Variants in RASSF3 observed in about 807,000 individuals in gnomAD.
RASSF3 encodes Ras association domain family member 3, also known as ras association domain-containing protein 3.
RASSF3 carries 19 observed loss-of-function variants against 19.9 expected under a neutral mutation model. The ratio of observed to expected loss-of-function variants is 0.96; its 90% CI spans 0.67 to 1.40. RASSF3 has a LOEUF of 1.40. Among genes scored for constraint, RASSF3 ranks in the 40% most tolerant of loss-of-function variants. RASSF3 has a pLI of 0.00. For synonymous variants in RASSF3, 110 were observed against 104.2 expected, an observed-to-expected ratio of 1.06 and a Z score of -0.34; for missense variants, 306 against 289.8, an observed-to-expected ratio of 1.06 and a Z score of -0.41.
rs552675718 is a variant in RASSF3 at position 64,643,928 on chromosome 12, T to C, written c.111+33185T>C. On this transcript the variant is annotated intron_variant, in intron 1 of 4. Transcript: ENST00000542104. ...TGTGTATGCAATTGAATCGAAAATA[T>C]ACTTTTCATACAAAGACAACTTCCT... Among the ~76,000 whole-genome samples, 28 of 152,152 alleles carry C rather than the reference T, an allele frequency of 1.8e-4. 1 individual carries two copies. The South Asian group carries it at 5.0e-3, about 27-fold the overall frequency.
chr12:64,689,883 G>T (rs948393898), intron 3 of RASSF3, among the ~76,000 whole-genome samples: 2 of 143,218 alleles, frequency 1.4e-5, no homozygotes, highest in African/African-American at 5.2e-5. Flanking sequence ...CACCTCCCGG[G>T]TTCACGCCAT....
rs540121768 is a variant in RASSF3, at chr12:64,646,482, A to G, written c.111+35739A>G. 3.3e-5 allele frequency among the ~76,000 whole-genome samples: 5 copies of G among 152,342 alleles called. No individual in the cohort carries two copies. In the East Asian group the frequency reaches 9.6e-4, roughly 29 times the overall value. ...GATTAGTGCAAGTTGGGTGGGATGA[A>G]GATGAATAACCAATACATAGCCTAA... On this transcript the variant is annotated intron_variant, in intron 1 of 4. Transcript: ENST00000542104.
intron 1 of RASSF3, among the ~76,000 whole-genome samples, chr12:64,613,202 G>GAT (rs1290250675): frequency 7.0e-6 from 1 of 142,552 alleles, no homozygotes; most frequent in Non-Finnish European, 1.6e-5. Flanking sequence ...TCTAACGTTA[G>GAT]ATAAGCCTTT....
At chr12:64,541,197 G>GC (rs530355150) in intron 1 of RASSF3, among the ~76,000 whole-genome samples, 50 of 152,010 alleles carry the variant, frequency 3.3e-4, no homozygotes, top group African/African-American at 1.2e-3. Context: ...TGTTGCCCAG[G>GC]CTGGTATTGA....
Position 64,684,438 on chromosome 12 carries a change from T to TG in RASSF3, c.112-349_112-348insG, listed in dbSNP as rs201197785. ...TTATCTGTTTGTTTGTTTGTTTGTT[T>TG]TTTTTTTTTGAGACAGAGTTTTGCT... is the stretch of plus-strand genomic sequence containing the variant. On this transcript the variant is annotated intron_variant, in intron 1 of 4. Transcript: ENST00000542104. Among the ~76,000 whole-genome samples the TG allele has an allele frequency of 4.8e-3, 718 of 149,504 alleles. 5 individuals carry two copies. Among genetic ancestry groups the TG allele is most frequent in the Middle Eastern group, 0.017 (5 of 294 alleles).
chr12:64,633,257 A>G (rs1871223189), intron 1 of RASSF3, among the ~76,000 whole-genome samples: 1 of 152,190 alleles, frequency 6.6e-6, no homozygotes. Context: ...GGATACTGAT[A>G]CGGTTTGGAT....
At chr12:64,676,857 C>A (rs1311610620) in intron 1 of RASSF3, among the ~76,000 whole-genome samples, 2 of 151,908 alleles carry the variant, frequency 1.3e-5, no homozygotes, top group Non-Finnish European at 2.9e-5. Context: ...TAACCTCCAT[C>A]TCCTGGGCTC....
chr12:64,566,186 G>A (rs1869428544), intron 2 of RASSF3, among the ~76,000 whole-genome samples: 1 of 152,190 alleles, frequency 6.6e-6, no homozygotes, highest in Non-Finnish European at 1.5e-5. Context: ...GGGAGACAGA[G>A]TGAGACTCTG....
intron 1 of RASSF3, among the ~76,000 whole-genome samples, chr12:64,669,933 A>G (rs1438464685): frequency 6.7e-6 from 1 of 150,264 alleles, no homozygotes; most frequent in East Asian, 1.9e-4. Context: ...TCTGCTTTCC[A>G]GGGCAGATGG....
chr12:64,554,139 T>G (rs1224049369), intron 2 of RASSF3, among the ~76,000 whole-genome samples: 1 of 152,200 alleles, frequency 6.6e-6, no homozygotes, highest in African/African-American at 2.4e-5. Context: ...TTTTCAGACC[T>G]ATGACTATCT....
Position 64,574,417 on chromosome 12 carries a change from A to G in RASSF3, c.294+32712A>G, listed in dbSNP as rs142822360. On this transcript the variant is annotated intron_variant, in intron 2 of 5. Coordinates refer to the RASSF3 transcript ENST00000637125. ...ATTGTTCTTATTCTGGAAATAAGAT[A>G]TAAAATAACATATAGTAGATTGCAC... Among the ~76,000 whole-genome samples, 1,039 of 152,342 alleles carry G rather than the reference A, an allele frequency of 6.8e-3. 13 individuals carry two copies. The highest frequency in any genetic ancestry group is 0.023 in the African/African-American group (971 of 41,584).
chr12:64,514,901 T>G (rs1243045725), intron 1 of RASSF3, among the ~76,000 whole-genome samples: 1 of 152,170 alleles, frequency 6.6e-6, no homozygotes, highest in Non-Finnish European at 1.5e-5. Flanking sequence ...CTGTCCAAAC[T>G]AATTTGTACT....
At chr12:64,597,664 C>T (rs1019065509) in intron 2 of RASSF3, among the ~76,000 whole-genome samples, 2 of 150,852 alleles carry the variant, frequency 1.3e-5, no homozygotes, top group African/African-American at 4.9e-5. Flanking sequence ...CACCATGTTG[C>T]CCAGGCTGGT....
At chr12:64,510,273 T>C (rs1868320883) in intron 1 of RASSF3, among the ~76,000 whole-genome samples, 2 of 152,314 alleles carry the variant, frequency 1.3e-5, no homozygotes, top group South Asian at 2.1e-4. Flanking sequence ...AATTGACTTA[T>C]GAAGACAGCC....
At chr12:64,658,113 T>G (rs914196493) in intron 1 of RASSF3, among the ~76,000 whole-genome samples, 1 of 152,164 alleles carries the variant, frequency 6.6e-6, no homozygotes, top group African/African-American at 2.4e-5. Flanking sequence ...GTGGGTGGTG[T>G]TATTTAGGTA....
At chr12:64,597,603 G>A (rs1870017408) in intron 2 of RASSF3, among the ~76,000 whole-genome samples, 1 of 151,138 alleles carries the variant, frequency 6.6e-6, no homozygotes. Context: ...ATTTACAGTC[G>A]TGCACCACCA....
rs186387268 is a variant in RASSF3 at position 64,555,188 on chromosome 12, G to T, written c.294+13483G>T. The stretch of plus-strand genomic sequence containing the variant: ...GAACCCGGGAGATGGAGGTTACAGT[G>T]AGCCAAGATCGCACCACTGCACTCC... On this transcript the variant is annotated intron_variant, in intron 2 of 5. Coordinates refer to the RASSF3 transcript ENST00000637125. Among the ~76,000 whole-genome samples the T allele has an allele frequency of 2.6e-3, 394 of 152,012 alleles. 2 individuals are homozygous for T. The highest frequency in any genetic ancestry group is 8.8e-3 in the African/African-American group (366 of 41,438).
upstream of RASSF3, among the ~76,000 whole-genome samples, chr12:64,532,360 T>C (rs149467642): frequency 6.6e-5 from 10 of 152,304 alleles, no homozygotes; most frequent in African/African-American, 9.6e-5. Context: ...TGGAGTTTCC[T>C]AGTATTCTTG....
chr12:64,532,697 G>A (rs988657620), upstream of RASSF3, among the ~76,000 whole-genome samples: 6 of 151,134 alleles, frequency 4.0e-5, no homozygotes, highest in East Asian at 1.9e-4. Context: ...TTAGGCAGGC[G>A]TGGCGACACT....
Sources: allele counts gnomAD v4.1 joint callset (sites outside exome capture counted in the v4.1 genomes callset), GRCh38; gene constraint gnomAD v4.1.1; transcripts MANE v1.5; gene names NCBI Gene and HGNC (gene_info 2026-07-23, HGNC 2026-07-21).